ABI3BP: variants seen among roughly 807,000 people sequenced by gnomAD.
ABI3BP encodes the protein target of Nesh-SH3.
Under a neutral mutation model 268.6 loss-of-function variants are expected in ABI3BP, and 216 were observed. The observed-to-expected ratio is 0.80, with a 90% CI of 0.72 to 0.90. The LOEUF (loss-of-function observed/expected upper bound fraction) is 0.90, where lower values mean the gene tolerates loss of function less well. ABI3BP is among the 40% of genes least tolerant of loss of function. The probability of loss-of-function intolerance (pLI) is 0.00; values close to 1 mark genes in which losing one functional copy is unlikely to be tolerated. For synonymous variants in ABI3BP, 730 were observed against 730.0 expected (o/e 1.00, Z 0.00); for missense variants, 2,090 against 2,182.4 (o/e 0.96, Z 0.84).
chr3:100,792,795 G>T (rs1428897687), intron 54 of ABI3BP, 27 bp from the exon 55 acceptor site: 5 of 1,589,622 alleles, frequency 3.1e-6, no homozygotes, highest in Admixed American at 1.7e-5. Context: ...AAGATTGCTT[G>T]TTTTAAATAA....
At chr3:100,766,381 G>A (rs1340131770) in intron 62 of ABI3BP, among the ~76,000 whole-genome samples, 8 of 152,200 alleles carry the variant, frequency 5.3e-5, no homozygotes, top group African/African-American at 1.7e-4. Flanking sequence ...TATAGTTGGG[G>A]AAAAGGCTAC....
chr3:100,925,166 G>A (rs1026575021), intron 2 of ABI3BP, among the ~76,000 whole-genome samples: 1 of 152,100 alleles, frequency 6.6e-6, no homozygotes, highest in East Asian at 1.9e-4. Flanking sequence ...GCCAGATTTT[G>A]AAGTCCAACA....
Position 100,875,507 on chromosome 3 carries a change from C to T in ABI3BP, c.817+1G>A. On this transcript the variant is annotated splice_donor_variant, in intron 8 of 67. Coordinates refer to ENST00000471714, the MANE Select transcript of ABI3BP (RefSeq NM_001375547.2). LOFTEE classifies it high-confidence loss of function. ...CGGCATAGATTTCGAGATCCACTCA[C>T]CTAGTATCACTCCTCCCAGTGGAGC... The T allele has an allele frequency of 6.2e-7, 1 of 1,606,166 alleles. No individual in the cohort carries two copies. The highest frequency in any genetic ancestry group is 8.5e-7 in the Non-Finnish European group (1 of 1,172,826).
At chr3:100,764,556 A>G (rs1390593648) in intron 63 of ABI3BP, among the ~76,000 whole-genome samples, 1 of 152,264 alleles carries the variant, frequency 6.6e-6, no homozygotes, top group Non-Finnish European at 1.5e-5. Context: ...CAATTCAGAA[A>G]AAAACCACAG....
At chr3:100,772,845 G>A (rs573291226) in intron 61 of ABI3BP, among the ~76,000 whole-genome samples, 13 of 152,184 alleles carry the variant, frequency 8.5e-5, no homozygotes, top group Non-Finnish European at 1.0e-4. Context: ...TTGGGAGGCC[G>A]AGATGGGTGG....
chr3:100,792,672 A>G lies in ABI3BP; in HGVS notation c.4024+19T>C. The G allele has an allele frequency of 6.2e-7, 1 of 1,605,100 alleles. No individual in the cohort carries two copies. Among genetic ancestry groups the G allele is most frequent in the Non-Finnish European group, 8.5e-7 (1 of 1,172,946 alleles). On this transcript the variant is annotated intron_variant, in intron 55 of 67. Coordinates refer to ENST00000471714, the MANE Select transcript of ABI3BP (RefSeq NM_001375547.2). ...CAAATAAGGAAAAGTTATTCTCCAGAGGTAGGGGAGAGGATTACCCTGAGT... is the reference window on the plus strand; with the variant it reads ...CAAATAAGGAAAAGTTATTCTCCAGGGGTAGGGGAGAGGATTACCCTGAGT...
At chr3:100,953,255 G>C (rs373365018) in intron 1 of ABI3BP, among the ~76,000 whole-genome samples, 3 of 152,112 alleles carry the variant, frequency 2.0e-5, no homozygotes, top group South Asian at 2.1e-4. Flanking sequence ...CACTATTTCC[G>C]GGTTAATCAC....
chr3:100,941,830 A>C (rs1320610925), intron 1 of ABI3BP, among the ~76,000 whole-genome samples: 1 of 152,178 alleles, frequency 6.6e-6, no homozygotes, highest in Non-Finnish European at 1.5e-5. Context: ...ATTTTCAAGA[A>C]GACACCTCAT....
chr3:100,967,362 C>T (rs1284788335), intron 1 of ABI3BP, among the ~76,000 whole-genome samples: 1 of 151,812 alleles, frequency 6.6e-6, no homozygotes, highest in Non-Finnish European at 1.5e-5. Context: ...ATTAGCCAGG[C>T]TTGGGATGGT....
intron 41 of ABI3BP, among the ~76,000 whole-genome samples, chr3:100,818,262 C>T (rs1021562471): frequency 6.6e-6 from 1 of 152,148 alleles, no homozygotes; most frequent in Non-Finnish European, 1.5e-5. Flanking sequence ...TTAAAATGGT[C>T]AATGCTCTTT....
chr3:100,956,214 A>AACACACACAC (rs58723365), intron 1 of ABI3BP, among the ~76,000 whole-genome samples: 6 of 133,708 alleles, frequency 4.5e-5, no homozygotes, highest in East Asian at 2.2e-4. Flanking sequence ...AAAGAAAAAC[A>AACACACACAC]ACACACACAC....
At position 100,749,290 on chromosome 3, in the gene ABI3BP, A is replaced by AACAT. The variant is rs1261807729; in HGVS notation, c.*1201_*1204dup. ...TTCCTTCTCGATAAAAGGTATAGTT[A>AACAT]ACATACTGATGAACCATTCAGAAAT... On this transcript the variant is annotated 3_prime_UTR_variant, in exon 68 of 68. Coordinates refer to ENST00000471714, the MANE Select transcript of ABI3BP (RefSeq NM_001375547.2). 1 of 36,520 alleles carries AACAT rather than the reference A, an allele frequency of 2.7e-5. No homozygotes were observed. The highest frequency in any genetic ancestry group is 5.2e-5 in the Non-Finnish European group (1 of 19,390). 2.3% of individuals were successfully genotyped at this position (36,520 alleles called of 1,614,324 possible). A position where few individuals can be genotyped will look rare whatever the true frequency, so the allele number is the denominator to read the frequency against.
intron 59 of ABI3BP, among the ~76,000 whole-genome samples, 174 bp from the exon 60 acceptor site, chr3:100,775,509 G>A (rs1164223772): frequency 6.6e-6 from 1 of 152,150 alleles, no homozygotes; most frequent in Admixed American, 6.6e-5. Flanking sequence ...TATGAGCCAA[G>A]TATATCAGAG....
intron 32 of ABI3BP, 77 bp downstream of exon 32, chr3:100,830,493 CGGGAGAAG>C: frequency 8.8e-7 from 1 of 1,135,640 alleles, no homozygotes; most frequent in Non-Finnish European, 1.3e-6. Context: ...CCTTGTGAAG[CGGGAGAAG>C]CTGTGGTTAT....
chr3:100,780,979 G>T (rs929575977), intron 57 of ABI3BP, among the ~76,000 whole-genome samples: 2 of 151,992 alleles, frequency 1.3e-5, no homozygotes, highest in African/African-American at 4.8e-5. Context: ...TCCTTGGTTT[G>T]GGTGACAGTC....
chr3:100,787,254 C>T (rs1399454214), intron 57 of ABI3BP, among the ~76,000 whole-genome samples: 1 of 152,004 alleles, frequency 6.6e-6, no homozygotes, highest in Non-Finnish European at 1.5e-5. Flanking sequence ...ACCAGGGTAA[C>T]CAGATGCGAA....
chr3:100,986,287 A>C lies in ABI3BP; in HGVS notation c.79+7019T>G, dbSNP rs1036652440. ...TTGGAAGTAAATCCTTCTTCATGCA[A>C]ACCTTCAGATCAGACCTCACCTCTG... On this transcript the variant is annotated intron_variant, in intron 1 of 67. Transcript: ENST00000471714. 3.3e-5 allele frequency among the ~76,000 whole-genome samples: 5 copies of C among 152,328 alleles called. No individual in the cohort carries two copies. The South Asian group carries it at 1.0e-3, about 32-fold the overall frequency.
chr3:100,777,928 A>G (rs2096754664), intron 59 of ABI3BP, among the ~76,000 whole-genome samples: 3 of 152,214 alleles, frequency 2.0e-5, no homozygotes, highest in South Asian at 2.1e-4. Flanking sequence ...AGACAGAATG[A>G]TAAGTCAATG....
intron 1 of ABI3BP, among the ~76,000 whole-genome samples, chr3:100,979,971 C>G (rs953673861): frequency 1.3e-5 from 2 of 152,174 alleles, no homozygotes; most frequent in Admixed American, 6.5e-5. Flanking sequence ...TGTTAATTCT[C>G]TAAGTAATCC....
Sources: allele counts gnomAD v4.1 joint callset (sites outside exome capture counted in the v4.1 genomes callset), GRCh38; gene constraint gnomAD v4.1.1; transcripts MANE v1.5; gene names NCBI Gene and HGNC (gene_info 2026-07-23, HGNC 2026-07-21).